Variants in LGR5 observed in about 807,000 individuals in gnomAD.
The protein encoded by LGR5 is leucine-rich repeat-containing G protein-coupled receptor 5.
Under a neutral mutation model 76.7 loss-of-function variants are expected in LGR5, and 54 were observed. The observed-to-expected ratio is 0.70, with a 90% CI of 0.57 to 0.88. The LOEUF is 0.88. LGR5 is among the 40% of genes least tolerant of loss of function. The pLI is 0.00. For synonymous variants in LGR5, 406 were observed against 421.9 expected (o/e 0.96, Z 0.46); for missense variants, 1,078 against 1,073.3 (o/e 1.00, Z -0.06).
At chr12:71,582,116 G>A (rs141805747) in intron 16 of LGR5, among the ~76,000 whole-genome samples, 3 of 152,234 alleles carry the variant, frequency 2.0e-5, no homozygotes, top group Non-Finnish European at 1.5e-5. Context: ...TGGATAAAGC[G>A]GTTCCTACTC....
At chr12:71,448,563 C>A (rs1195693584) in intron 1 of LGR5, 1 of 152,166 alleles carries the variant, frequency 6.6e-6, no homozygotes, top group Non-Finnish European at 1.5e-5. Flanking sequence ...TATAAATTTT[C>A]TCGTGAGGCA....
At chr12:71,443,287 CT>C (rs1245071230) in intron 1 of LGR5, among the ~76,000 whole-genome samples, 1 of 152,154 alleles carries the variant, frequency 6.6e-6, no homozygotes, top group Non-Finnish European at 1.5e-5. Context: ...ATTTTGTAAT[CT>C]TTTTTTCCCA....
intron 1 of LGR5, among the ~76,000 whole-genome samples, chr12:71,492,784 T>TGTTTCACTTGTTACAGCAAGTATG (rs1565688530): frequency 4.6e-5 from 7 of 151,656 alleles, no homozygotes; most frequent in African/African-American, 1.7e-4. Context: ...ACCTCTTGAT[T>TGTTTCACTTGTTACAGCAAGTATG]TTGAGTTATG....
Position 71,504,602 on chromosome 12 carries a change from T to C in LGR5, c.213-12T>C. The C allele has an allele frequency of 1.9e-6, 3 of 1,613,168 alleles. No individual in the cohort carries two copies. The highest frequency in any genetic ancestry group is 1.7e-6 in the Non-Finnish European group (2 of 1,179,154). On this transcript the variant is annotated splice_polypyrimidine_tract_variant and intron_variant, in intron 1 of 17. Coordinates refer to ENST00000266674, the MANE Select transcript of LGR5 (RefSeq NM_003667.4). The stretch of plus-strand genomic sequence containing the variant: ...TTGCTGCTCCTCACACGCTGTCTGT[T>C]TTCCCCCCCAGAGACCTCAGTATGA...
At chr12:71,479,217 G>A (rs1244261524) in intron 1 of LGR5, among the ~76,000 whole-genome samples, 1 of 152,010 alleles carries the variant, frequency 6.6e-6, no homozygotes, top group Non-Finnish European at 1.5e-5. Context: ...ATCATTTTTA[G>A]AAGTGCATTT....
rs1285369250 is a variant in LGR5 at position 71,584,349 on chromosome 12, G to T, written c.2339G>T (p.Cys780Phe). ...LLLFTNCILN[C>F]PVAFLSFSSL... ...CTCTTCACCAACTGCATCCTAAACT[G>T]CCCTGTGGCTTTCTTGTCCTTCTCC... Residue 780 changes from cysteine (C) to phenylalanine (F), a missense_variant, in exon 18 of 18, where the codon TGC becomes TTC. Cys to Phe is a radical substitution (Grantham distance 205, BLOSUM62 -2). Transcript: ENST00000266674. 1 of 1,614,182 alleles carries T rather than the reference G, an allele frequency of 6.2e-7. No homozygotes were observed. The highest frequency in any genetic ancestry group is 8.5e-7 in the Non-Finnish European group (1 of 1,180,016).
chr12:71,553,979 T>C (rs1877632226), intron 5 of LGR5, among the ~76,000 whole-genome samples: 1 of 152,026 alleles, frequency 6.6e-6, no homozygotes. Flanking sequence ...TAATCCCAGC[T>C]ACTAGGGAGG....
chr12:71,558,022 G>T (rs1877862647), intron 6 of LGR5, among the ~76,000 whole-genome samples: 1 of 152,132 alleles, frequency 6.6e-6, no homozygotes, highest in Non-Finnish European at 1.5e-5. Flanking sequence ...CTGTGTTGGT[G>T]GTATTCTTCT....
At chr12:71,530,638 T>C (rs568385247) in intron 3 of LGR5, among the ~76,000 whole-genome samples, 1 of 152,182 alleles carries the variant, frequency 6.6e-6, no homozygotes, top group Non-Finnish European at 1.5e-5. Flanking sequence ...TGGTTCTGTA[T>C]GGCAAAATAC....
At chr12:71,467,639 AT>A (rs1215564605) in intron 1 of LGR5, among the ~76,000 whole-genome samples, 1 of 152,228 alleles carries the variant, frequency 6.6e-6, no homozygotes, top group Non-Finnish European at 1.5e-5. Flanking sequence ...ATATCAAAAA[AT>A]ATCTTAGAAT....
At chr12:71,566,523 T>C (rs765844467) in intron 9 of LGR5, 48 bp downstream of exon 9, 4 of 1,539,550 alleles carry the variant, frequency 2.6e-6, no homozygotes, top group Non-Finnish European at 3.6e-6. Flanking sequence ...ACAGGGTTGC[T>C]GTGAAAAACC....
intron 2 of LGR5, among the ~76,000 whole-genome samples, chr12:71,513,296 G>C (rs894798302): frequency 6.6e-6 from 1 of 152,180 alleles, no homozygotes; most frequent in Admixed American, 6.5e-5. Flanking sequence ...AGATTGTGCT[G>C]AATCTGAAAG....
At position 71,583,828 on chromosome 12, in the gene LGR5, G is replaced by A. The variant is rs774547798; in HGVS notation, c.1818G>A (p.Thr606=). 1.6e-5 allele frequency: 26 copies of A among 1,613,982 alleles called. No individual in the cohort carries two copies. Among genetic ancestry groups the A allele is most frequent in the South Asian group, 6.6e-5 (6 of 91,078 alleles). The change falls in exon 18 of 18, where the codon ACG becomes ACA. Residue 606 remains threonine (T), a synonymous_variant. Coordinates refer to ENST00000266674, the MANE Select transcript of LGR5 (RefSeq NM_003667.4). Reference sequence around the variant, plus strand: ...TCATCGCAGCAGTGAACATGCTCACGGGAGTCTCCAGTGCCGTGCTGGCTG... The same window carrying A: ...TCATCGCAGCAGTGAACATGCTCACAGGAGTCTCCAGTGCCGTGCTGGCTG... ...IGVIAAVNML[T]GVSSAVLAGV...
chr12:71,451,295 C>T (rs1282611162), intron 1 of LGR5, among the ~76,000 whole-genome samples: 6 of 152,206 alleles, frequency 3.9e-5, no homozygotes, highest in Admixed American at 3.3e-4. Context: ...GAGGAGGTTA[C>T]AGTCTCTTTT....
chr12:71,564,985 A>G (rs985963974), intron 8 of LGR5, among the ~76,000 whole-genome samples: 23 of 149,080 alleles, frequency 1.5e-4, no homozygotes, highest in Middle Eastern at 7.1e-3. Flanking sequence ...ATACGTGTGT[A>G]TATATATATA....
chr12:71,578,195 A>C (rs1286128334), intron 14 of LGR5, among the ~76,000 whole-genome samples, 199 bp downstream of exon 14: 1 of 152,220 alleles, frequency 6.6e-6, no homozygotes, highest in African/African-American at 2.4e-5. Flanking sequence ...GGATAATTGA[A>C]GATTTGGGTG....
Position 71,535,171 on chromosome 12 carries a change from G to T in LGR5, c.413G>T (p.Arg138Leu), listed in dbSNP as rs757518010. ...CCCACAGAAGCTCTGCAGAATTTGC[G>T]AAGCCTTCAATCCCTGTAAGTATAG... is the stretch of plus-strand genomic sequence containing the variant. ...HVPTEALQNL[R>L]SLQSLRLDAN... Residue 138 changes from arginine (R) to leucine (L), a missense_variant, in exon 4 of 18, where the codon CGA becomes CTA. Physicochemically the swap from Arg to Leu is moderately radical, Grantham distance 102. Transcript: ENST00000266674. The T allele has an allele frequency of 3.1e-6, 5 of 1,607,702 alleles. No individual in the cohort carries two copies. In the Admixed American group the frequency reaches 5.0e-5, roughly 16 times the overall value.
At chr12:71,461,222 A>T (rs1227574622) in intron 1 of LGR5, among the ~76,000 whole-genome samples, 1 of 152,150 alleles carries the variant, frequency 6.6e-6, no homozygotes, top group Non-Finnish European at 1.5e-5. Flanking sequence ...CAAAGTTATC[A>T]TGCATCTATG....
chr12:71,454,059 A>G (rs1213834676), intron 1 of LGR5, among the ~76,000 whole-genome samples: 2 of 152,108 alleles, frequency 1.3e-5, no homozygotes, highest in Non-Finnish European at 2.9e-5. Context: ...AGGGGAGAAG[A>G]GAGCTAGGTG....
Sources: gnomAD v4.1 joint callset for allele counts (sites outside exome capture counted in the v4.1 genomes callset) on GRCh38, gnomAD v4.1.1 for gene constraint, MANE v1.5 for transcripts, NCBI Gene and HGNC (gene_info 2026-07-23, HGNC 2026-07-21) for gene names.